Variants in FGD5 observed in about 807,000 individuals in gnomAD.
FGD5 encodes FYVE, RhoGEF and PH domain containing 5, also known as FYVE, RhoGEF and PH domain-containing protein 5.
FGD5 carries 28 observed loss-of-function variants against 133.4 expected under a neutral mutation model. The observed-to-expected ratio is 0.21, with a 90% CI of 0.16 to 0.29. The LOEUF is 0.29. Among genes scored for constraint, FGD5 ranks in the 10% least tolerant of loss-of-function variants. The probability of loss-of-function intolerance (pLI) is 1.00; values close to 1 mark genes in which losing one functional copy is unlikely to be tolerated. For synonymous variants in FGD5, 810 were observed against 776.5 expected, an observed-to-expected ratio of 1.04 and a Z score of -0.72; for missense variants, 1,858 against 1,895.2, an observed-to-expected ratio of 0.98 and a Z score of 0.36.
chr3:14,854,431 T>TGA (rs200913994), intron 1 of FGD5, among the ~76,000 whole-genome samples: 28,725 of 146,000 alleles, frequency 0.2, 3,081 homozygotes, highest in South Asian at 0.21. Context: ...ATTTATTTAT[T>TGA]TATTGAGACG....
At chr3:14,826,933 G>GGA (rs1398095292) in intron 1 of FGD5, among the ~76,000 whole-genome samples, 2 of 152,148 alleles carry the variant, frequency 1.3e-5, no homozygotes, top group African/African-American at 2.4e-5. Flanking sequence ...CAGGGCTGCA[G>GGA]GCAACATCTG....
intron 11 of FGD5, 70 bp downstream of exon 11, chr3:14,910,999 C>T: frequency 1.4e-6 from 2 of 1,458,602 alleles, no homozygotes; most frequent in South Asian, 1.2e-5. Flanking sequence ...GGCCATTATT[C>T]AAGGACAAGT....
At chr3:14,854,900 A>G (rs892697572) in intron 1 of FGD5, among the ~76,000 whole-genome samples, 1 of 152,168 alleles carries the variant, frequency 6.6e-6, no homozygotes, top group Non-Finnish European at 1.5e-5. Context: ...TTGAAACTAT[A>G]TAATATATGA....
intron 4 of FGD5, among the ~76,000 whole-genome samples, chr3:14,889,228 G>A (rs550685733): frequency 1.7e-4 from 26 of 152,138 alleles, no homozygotes; most frequent in East Asian, 3.9e-4. Flanking sequence ...ACTCTCGCCC[G>A]GATAGAACAT....
intron 4 of FGD5, among the ~76,000 whole-genome samples, chr3:14,884,516 T>C (rs953618515): frequency 2.0e-5 from 3 of 152,234 alleles, no homozygotes; most frequent in Non-Finnish European, 4.4e-5. Flanking sequence ...TTCCCTCTGC[T>C]GGAAGGTCCT....
At chr3:14,859,593 A>G (rs2037357257) in intron 1 of FGD5, among the ~76,000 whole-genome samples, 1 of 143,816 alleles carries the variant, frequency 7.0e-6, no homozygotes. Context: ...AAGAAAAGTT[A>G]CCCTTACCCA....
At chr3:14,900,288 G>A (rs748873387) in intron 7 of FGD5, 115 bp from the exon 8 acceptor site, 4 of 999,344 alleles carry the variant, frequency 4.0e-6, no homozygotes, top group Non-Finnish European at 6.2e-6. Flanking sequence ...CAGCAGGGGA[G>A]AGAGGGTGGA....
chr3:14,924,772 A>G (rs1395161909), intron 17 of FGD5, among the ~76,000 whole-genome samples: 1 of 152,238 alleles, frequency 6.6e-6, no homozygotes, highest in African/African-American at 2.4e-5. Flanking sequence ...AGTTTTATCC[A>G]TTAACTTGTT....
chr3:14,813,349 C>A (rs964591540), intron 1 of FGD5, among the ~76,000 whole-genome samples: 4 of 152,142 alleles, frequency 2.6e-5, no homozygotes, highest in African/African-American at 9.7e-5. Flanking sequence ...GTGCTGTCTT[C>A]CTGGTAGTGC....
At chr3:14,926,271 G>A in intron 18 of FGD5, 73 bp downstream of exon 18, 1 of 1,581,232 alleles carries the variant, frequency 6.3e-7, no homozygotes, top group Non-Finnish European at 8.6e-7. Context: ...CACACATCCT[G>A]TCACTTGCAA....
chr3:14,928,893 C>A (rs1293493406), intron 18 of FGD5, among the ~76,000 whole-genome samples: 1 of 152,102 alleles, frequency 6.6e-6, no homozygotes, highest in Non-Finnish European at 1.5e-5. Flanking sequence ...ATATACTTAA[C>A]CCTATGAATT....
chr3:14,882,458 G>C, intron 4 of FGD5: 3 of 587,644 alleles, frequency 5.1e-6, no homozygotes, highest in Non-Finnish European at 6.4e-6. Flanking sequence ...AGCACTTTGG[G>C]AGGCCGAGGT....
At chr3:14,924,167 A>G in intron 17 of FGD5, 29 bp downstream of exon 17, 1 of 1,613,756 alleles carries the variant, frequency 6.2e-7, no homozygotes, top group Non-Finnish European at 8.5e-7. Context: ...CCCAAGTGGG[A>G]AGTAGGGCAT....
intron 9 of FGD5, 31 bp downstream of exon 9, chr3:14,901,092 G>A (rs1209748353): frequency 1.1e-5 from 18 of 1,613,342 alleles, no homozygotes; most frequent in African/African-American, 8.0e-5. Context: ...CCCTTCCTCA[G>A]ACACAGGTTC....
intron 13 of FGD5, chr3:14,920,572 A>G (rs2038656777): frequency 6.6e-6 from 1 of 152,218 alleles, no homozygotes; most frequent in African/African-American, 2.4e-5. Context: ...TGTGCTCTCC[A>G]GGAGCCCACA....
At chr3:14,857,129 T>C in intron 1 of FGD5, among the ~76,000 whole-genome samples, 1 of 151,736 alleles carries the variant, frequency 6.6e-6, no homozygotes, top group Non-Finnish European at 1.5e-5. Flanking sequence ...CTTTAAACTC[T>C]TGAAATAATG....
intron 4 of FGD5, among the ~76,000 whole-genome samples, chr3:14,893,294 G>A (rs4234532): frequency 0.47 from 71,416 of 151,992 alleles, 17,651 homozygotes; most frequent in Non-Finnish European, 0.56. Context: ...TTAAATATTT[G>A]TCTTTATGCT....
chr3:14,847,094 T>G (rs916482576), intron 1 of FGD5, among the ~76,000 whole-genome samples: 4 of 152,198 alleles, frequency 2.6e-5, no homozygotes, highest in African/African-American at 7.2e-5. Context: ...TTGGCACACA[T>G]AAGCTGTCAG....
intron 1 of FGD5, among the ~76,000 whole-genome samples, chr3:14,829,935 G>A (rs756285465): frequency 9.2e-5 from 14 of 152,150 alleles, no homozygotes; most frequent in African/African-American, 9.7e-5. Flanking sequence ...AGACAGCGCT[G>A]CAGCAACAAA....
Sources: gnomAD v4.1 joint callset for allele counts (sites outside exome capture counted in the v4.1 genomes callset) on GRCh38, gnomAD v4.1.1 for gene constraint, MANE v1.5 for transcripts, NCBI Gene and HGNC (gene_info 2026-07-23, HGNC 2026-07-21) for gene names.